The following TAFA1 variants were observed in gnomAD, a reference collection of about 807,000 sequenced individuals.
The protein encoded by TAFA1 is TAFA chemokine like family member 1.
In TAFA1, 4 loss-of-function variants were observed where a neutral mutation model predicts 18.5. The observed-to-expected ratio is 0.22, with a 90% CI of 0.11 to 0.49. The LOEUF is 0.49. Ranked by LOEUF, TAFA1 falls within the 20% of genes least tolerant of loss-of-function variation. The probability of loss-of-function intolerance (pLI) is 0.98; values close to 1 mark genes in which losing one functional copy is unlikely to be tolerated. For missense variants in TAFA1, 147 were observed against 169.0 expected, an observed-to-expected ratio of 0.87 and a Z score of 0.72; for synonymous variants, 56 against 55.2, an observed-to-expected ratio of 1.01 and a Z score of -0.06.
intron 2 of TAFA1, among the ~76,000 whole-genome samples, chr3:68,236,531 G>T (rs563111798): frequency 3.9e-5 from 6 of 152,166 alleles, no homozygotes. Context: ...AGGTACTAAT[G>T]AACTGAACCT....
intron 3 of TAFA1, among the ~76,000 whole-genome samples, chr3:68,480,663 G>C (rs984693756): frequency 6.6e-6 from 1 of 152,180 alleles, no homozygotes; most frequent in Non-Finnish European, 1.5e-5. Context: ...TGAGAGCAAA[G>C]AGTAGGCCAG....
intron 3 of TAFA1, among the ~76,000 whole-genome samples, chr3:68,441,632 G>A (rs144123732): frequency 1.3e-3 from 198 of 152,188 alleles, no homozygotes; most frequent in African/African-American, 3.5e-3. Flanking sequence ...GATCGGGCTC[G>A]AGAAGGTCCT....
intron 3 of TAFA1, among the ~76,000 whole-genome samples, chr3:68,533,911 T>A (rs2073230591): frequency 6.6e-6 from 1 of 152,128 alleles, no homozygotes; most frequent in South Asian, 2.1e-4. Flanking sequence ...TGACCTGGAA[T>A]ATAAAAGGAT....
chr3:68,507,872 C>T (rs2072786039), intron 3 of TAFA1, among the ~76,000 whole-genome samples: 1 of 152,084 alleles, frequency 6.6e-6, no homozygotes, highest in Non-Finnish European at 1.5e-5. Context: ...TCACAAGAAA[C>T]ATGATGTCAT....
chr3:68,146,223 A>G (rs556710911), intron 2 of TAFA1, among the ~76,000 whole-genome samples: 1 of 152,292 alleles, frequency 6.6e-6, no homozygotes. Flanking sequence ...GAGTGGGTCT[A>G]AGATGGGGGA....
At chr3:68,086,241 A>C (rs1167950439) in intron 2 of TAFA1, among the ~76,000 whole-genome samples, 2 of 152,146 alleles carry the variant, frequency 1.3e-5, no homozygotes, top group Admixed American at 6.5e-5. Context: ...ATATTTTCCA[A>C]GTTATTGAGG....
chr3:68,366,747 T>A (rs1426181855), intron 2 of TAFA1, among the ~76,000 whole-genome samples: 1 of 152,236 alleles, frequency 6.6e-6, no homozygotes, highest in East Asian at 1.9e-4. Context: ...ATTTTACTCA[T>A]CTAGGTTTTG....
chr3:67,999,599 T>C (rs1704262200), upstream of TAFA1, among the ~76,000 whole-genome samples: 1 of 152,142 alleles, frequency 6.6e-6, no homozygotes. Context: ...CATCAGATCA[T>C]ATTGGATATC....
chr3:68,442,584 C>A (rs6779270), intron 3 of TAFA1, among the ~76,000 whole-genome samples: 1 of 151,908 alleles, frequency 6.6e-6, no homozygotes, highest in Admixed American at 6.6e-5. Context: ...GTTTATGACA[C>A]GTAGTGGCTA....
intron 2 of TAFA1, among the ~76,000 whole-genome samples, chr3:68,081,633 G>A (rs570187940): frequency 6.6e-6 from 1 of 152,310 alleles, no homozygotes; most frequent in East Asian, 1.9e-4. Flanking sequence ...TCGGGGGTCA[G>A]GGGTCAGGGA....
chr3:68,315,497 A>C (rs2068592658), intron 2 of TAFA1, among the ~76,000 whole-genome samples: 1 of 152,166 alleles, frequency 6.6e-6, no homozygotes, highest in Admixed American at 6.6e-5. Flanking sequence ...TCCTAAAGAT[A>C]CATTACTCGG....
intron 2 of TAFA1, among the ~76,000 whole-genome samples, chr3:68,293,838 G>T (rs1484536901): frequency 6.6e-6 from 1 of 152,118 alleles, no homozygotes; most frequent in Non-Finnish European, 1.5e-5. Context: ...ATTTCATTTT[G>T]AGGCCCACTG....
chr3:68,343,619 T>C (rs975524276), intron 2 of TAFA1, among the ~76,000 whole-genome samples: 5 of 152,202 alleles, frequency 3.3e-5, no homozygotes, highest in Non-Finnish European at 5.9e-5. Flanking sequence ...AATACAGTGA[T>C]ACTTGAGATC....
chr3:68,460,425 A>G (rs2071753045), intron 3 of TAFA1, among the ~76,000 whole-genome samples: 1 of 152,156 alleles, frequency 6.6e-6, no homozygotes, highest in Non-Finnish European at 1.5e-5. Flanking sequence ...TTTTTTTAAT[A>G]CTGCCACTCA....
Position 68,203,511 on chromosome 3 carries a change from T to C in TAFA1, c.118+196767T>C, listed in dbSNP as rs2066491186. 2.0e-5 allele frequency among the ~76,000 whole-genome samples: 3 copies of C among 151,650 alleles called. No individual in the cohort carries two copies. The South Asian group carries it at 6.2e-4, about 32-fold the overall frequency. On this transcript the variant is annotated intron_variant, in intron 2 of 4. Transcript: ENST00000478136. Reference sequence around the variant, plus strand: ...ACATTATGTACTGGGTAAAAGGAACTGCTGTAAAAAGATCTTAATAAGGTG... The same window carrying C: ...ACATTATGTACTGGGTAAAAGGAACCGCTGTAAAAAGATCTTAATAAGGTG...
chr3:68,237,644 A>T (rs1415829486), intron 2 of TAFA1, among the ~76,000 whole-genome samples: 1 of 152,094 alleles, frequency 6.6e-6, no homozygotes. Flanking sequence ...AGGGTTCTGA[A>T]TTTTTTTACC....
chr3:68,138,195 C>T (rs1298834850), intron 2 of TAFA1, among the ~76,000 whole-genome samples: 2 of 152,176 alleles, frequency 1.3e-5, no homozygotes, highest in Non-Finnish European at 2.9e-5. Context: ...ATTCTTCAGC[C>T]TCTCTGGAGT....
At chr3:68,226,580 T>C (rs1484963152) in intron 2 of TAFA1, among the ~76,000 whole-genome samples, 2 of 152,186 alleles carry the variant, frequency 1.3e-5, no homozygotes, top group Non-Finnish European at 2.9e-5. Context: ...CTAATCTGAA[T>C]GGGGAGAGGC....
chr3:68,391,676 A>G (rs1455103752), intron 2 of TAFA1, among the ~76,000 whole-genome samples: 1 of 152,238 alleles, frequency 6.6e-6, no homozygotes, highest in African/African-American at 2.4e-5. Context: ...CAGAAACCCT[A>G]TAAGCCAGAA....
Sources: gnomAD v4.1 joint callset for allele counts (sites outside exome capture counted in the v4.1 genomes callset) on GRCh38, gnomAD v4.1.1 for gene constraint, MANE v1.5 for transcripts, NCBI Gene and HGNC (gene_info 2026-07-23, HGNC 2026-07-21) for gene names.